DPY19L2: variants seen among roughly 807,000 people sequenced by gnomAD.
DPY19L2 encodes the protein dpy-19 like 2.
Under a neutral mutation model 97.9 loss-of-function variants are expected in DPY19L2, and 34 were observed. That is an observed-to-expected ratio of 0.35 (90% CI 0.26 to 0.46). DPY19L2 has a LOEUF of 0.46. DPY19L2 is among the 20% of genes least tolerant of loss of function. The pLI is 1.00. For missense variants in DPY19L2, 623 were observed against 911.4 expected (o/e 0.68, Z 4.07); for synonymous variants, 230 against 307.9 (o/e 0.75, Z 2.65).
At chr12:63,572,475 G>A (rs1468603591) in intron 19 of DPY19L2, among the ~76,000 whole-genome samples, 2 of 152,134 alleles carry the variant, frequency 1.3e-5, no homozygotes, top group Admixed American at 1.3e-4. Flanking sequence ...CAGCATCTCT[G>A]GATCTGACTA....
At chr12:63,593,116 C>T (rs1435302407) in intron 16 of DPY19L2, among the ~76,000 whole-genome samples, 9 of 151,738 alleles carry the variant, frequency 5.9e-5, no homozygotes, top group African/African-American at 9.7e-5. Context: ...GTTAGAATGG[C>T]GATCATTAAA....
intron 12 of DPY19L2, among the ~76,000 whole-genome samples, chr12:63,607,973 A>G (rs1268582236): frequency 3.3e-5 from 5 of 152,082 alleles, no homozygotes; most frequent in African/African-American, 7.2e-5. Flanking sequence ...CAGACCAGAG[A>G]AAAAGAATAT....
intron 4 of DPY19L2, among the ~76,000 whole-genome samples, chr12:63,648,016 G>C (rs1399673604): frequency 6.6e-6 from 1 of 152,046 alleles, no homozygotes; most frequent in Non-Finnish European, 1.5e-5. Flanking sequence ...TTAAGAGATG[G>C]GACCTGCAAG....
intron 5 of DPY19L2, among the ~76,000 whole-genome samples, chr12:63,645,742 T>A (rs766991341): frequency 4.1e-4 from 62 of 152,152 alleles, no homozygotes; most frequent in Non-Finnish European, 6.9e-4. Context: ...TTCTCTCTCA[T>A]ACCCAGGCAT....
intron 21 of DPY19L2, among the ~76,000 whole-genome samples, chr12:63,561,464 T>G (rs34000412): frequency 0.17 from 25,952 of 152,072 alleles, 2,318 homozygotes; most frequent in Middle Eastern, 0.22. Context: ...GCAACTACTG[T>G]GCTTTCTGCA....
At chr12:63,591,805 T>C (rs1477228860) in intron 16 of DPY19L2, among the ~76,000 whole-genome samples, 1 of 150,980 alleles carries the variant, frequency 6.6e-6, no homozygotes, top group Non-Finnish European at 1.5e-5. Flanking sequence ...TAGCTGGGCA[T>C]GGTGATGCAC....
intron 14 of DPY19L2, 55 bp downstream of exon 14, chr12:63,597,754 A>C: frequency 6.6e-7 from 1 of 1,513,404 alleles, no homozygotes; most frequent in Non-Finnish European, 9.0e-7. Flanking sequence ...AGATTTTAAA[A>C]AACCTAGAGC....
chr12:63,668,177 C>A lies in DPY19L2; in HGVS notation c.217G>T (p.Val73Leu), dbSNP rs772400700. 8.7e-6 allele frequency: 14 copies of A among 1,613,860 alleles called. No homozygotes were observed. Among genetic ancestry groups the A allele is most frequent in the African/African-American group, 1.3e-5 (1 of 74,874 alleles). Residue 73 changes from valine (V) to leucine (L), a missense_variant, in exon 1 of 22, where the codon GTG becomes TTG. Val to Leu is a conservative substitution (Grantham distance 32). Around this residue, in one of 6 missense-constraint regions of DPY19L2, gnomAD observed 144 missense variants for 119.4 expected, o/e 1.21. Transcript: ENST00000324472. ...KERKGLELEV[V>L]AKTFLLGPFQ... ...GGGCCGAGAAGAAAGGTCTTGGCCA[C>A]CACCTCTAGCTCCAAGCCTTTTCGC...
chr12:63,642,780 A>G (rs1892883363), intron 6 of DPY19L2, among the ~76,000 whole-genome samples: 1 of 151,748 alleles, frequency 6.6e-6, no homozygotes, highest in Non-Finnish European at 1.5e-5. Flanking sequence ...GGCCCTTTGC[A>G]TTTTTGAATA....
At chr12:63,665,075 G>A (rs756939168) in intron 2 of DPY19L2, among the ~76,000 whole-genome samples, 10 of 145,682 alleles carry the variant, frequency 6.9e-5, no homozygotes, top group Non-Finnish European at 1.2e-4. Context: ...CTTGCACACT[G>A]AAAGACTCAG....
intron 18 of DPY19L2, among the ~76,000 whole-genome samples, 192 bp downstream of exon 18, chr12:63,582,214 T>A (rs993936438): frequency 2.6e-5 from 4 of 152,096 alleles, no homozygotes; most frequent in African/African-American, 9.7e-5. Context: ...CCAGAAATAC[T>A]TTTCAAAGCC....
At chr12:63,579,864 CA>C (rs1382025211) in intron 19 of DPY19L2, among the ~76,000 whole-genome samples, 1 of 151,942 alleles carries the variant, frequency 6.6e-6, no homozygotes, top group African/African-American at 2.4e-5. Flanking sequence ...AAGTGGCTAT[CA>C]AATAAGAAAT....
intron 6 of DPY19L2, among the ~76,000 whole-genome samples, chr12:63,636,902 C>G (rs1891816387): frequency 1.3e-5 from 2 of 152,060 alleles, no homozygotes; most frequent in Non-Finnish European, 2.9e-5. Context: ...CAAGGATATC[C>G]AGGAATTGAA....
intron 16 of DPY19L2, chr12:63,584,083 T>G: frequency 2.3e-6 from 1 of 425,664 alleles, no homozygotes; most frequent in East Asian, 4.5e-5. Flanking sequence ...ACAAAATAGA[T>G]TTTACAGATC....
In DPY19L2 at chr12:63,559,425, T is replaced by C. The variant is rs1876088421; in HGVS notation, c.*1087A>G. ...ATAGATCTGGCATATTTCATATTTA[T>C]AAAGCAGACAAAAAGAATGTTTATC... On this transcript the variant is annotated 3_prime_UTR_variant, in exon 22 of 22. Transcript: ENST00000324472. The C allele has an allele frequency of 6.6e-6, 1 of 152,522 alleles. No homozygotes were observed. The highest frequency in any genetic ancestry group is 6.5e-5 in the Admixed American group (1 of 15,270). The allele number at this position is 152,522 out of a possible 1,614,324, so 9.4% of individuals were successfully genotyped here.
At chr12:63,659,138 A>G (rs1895348902) in intron 4 of DPY19L2, among the ~76,000 whole-genome samples, 1 of 152,204 alleles carries the variant, frequency 6.6e-6, no homozygotes, top group South Asian at 2.1e-4. Context: ...CTGTATCATC[A>G]TGTGCATAGA....
Position 63,559,472 on chromosome 12 carries a change from T to G in DPY19L2, c.*1040A>C, listed in dbSNP as rs968214934. 5 of 152,564 alleles carry G rather than the reference T, an allele frequency of 3.3e-5. No individual in the cohort carries two copies. Among genetic ancestry groups the G allele is most frequent in the African/African-American group, 1.2e-4 (5 of 41,432 alleles). 9.5% of individuals were successfully genotyped at this position (152,564 alleles called of 1,614,324 possible). A position where few individuals can be genotyped will look rare whatever the true frequency, so the allele number is the denominator to read the frequency against. On this transcript the variant is annotated 3_prime_UTR_variant, in exon 22 of 22. Transcript: ENST00000324472. Reference sequence around the variant, plus strand: ...TATCTTTGCATTTGGCAAGAGTATCTTCAAGATAACTACCACTTTTCAAAG... The same window carrying G: ...TATCTTTGCATTTGGCAAGAGTATCGTCAAGATAACTACCACTTTTCAAAG...
At chr12:63,635,628 T>G (rs1389757919) in intron 6 of DPY19L2, among the ~76,000 whole-genome samples, 1 of 152,052 alleles carries the variant, frequency 6.6e-6, no homozygotes, top group African/African-American at 2.4e-5. Context: ...GCATGAGAAC[T>G]ATGTGACGCA....
At chr12:63,666,665 T>G (rs1272673651) in intron 1 of DPY19L2, 1 of 203,122 alleles carries the variant, frequency 4.9e-6, no homozygotes, top group Non-Finnish European at 1.0e-5. Flanking sequence ...GTCCTTTAGA[T>G]TGTTGTAAAC....
Sources: allele counts gnomAD v4.1 joint callset (sites outside exome capture counted in the v4.1 genomes callset), GRCh38; gene constraint gnomAD v4.1.1; regional missense constraint gnomAD v4.1.1; transcripts MANE v1.5; gene names NCBI Gene and HGNC (gene_info 2026-07-23, HGNC 2026-07-21).